The following TTC28 variants were observed in gnomAD, a reference collection of about 807,000 sequenced individuals.
TTC28 encodes tetratricopeptide repeat domain 28, also known as tetratricopeptide repeat protein 28.
Under a neutral mutation model 198.0 loss-of-function variants are expected in TTC28, and 61 were observed. The ratio of observed to expected loss-of-function variants is 0.31; its 90% CI spans 0.25 to 0.38. The LOEUF is 0.38. TTC28 is among the 10% of genes least tolerant of loss of function. TTC28 has a pLI of 1.00. For synonymous variants in TTC28, 1,171 were observed against 1,297.8 expected (o/e 0.90, Z 2.10); for missense variants, 2,678 against 3,164.0 (o/e 0.85, Z 3.69).
At chr22:28,341,074 G>T (rs1320413871) in intron 2 of TTC28, among the ~76,000 whole-genome samples, 2 of 152,184 alleles carry the variant, frequency 1.3e-5, no homozygotes, top group Non-Finnish European at 2.9e-5. Context: ...CAATGCCAAA[G>T]ATGACTAATG....
intron 2 of TTC28, among the ~76,000 whole-genome samples, chr22:28,491,836 A>G (rs1335957809): frequency 1.3e-5 from 2 of 152,198 alleles, no homozygotes; most frequent in African/African-American, 4.8e-5. Flanking sequence ...CACTATTCAC[A>G]ATAGCAAAGA....
intron 5 of TTC28, among the ~76,000 whole-genome samples, chr22:28,289,862 C>T (rs948155195): frequency 3.3e-5 from 5 of 152,072 alleles, no homozygotes; most frequent in Non-Finnish European, 7.4e-5. Context: ...CCCATCTCTA[C>T]TAAAAATAAA....
intron 2 of TTC28, among the ~76,000 whole-genome samples, chr22:28,526,016 C>A (rs1391247714): frequency 6.6e-6 from 1 of 152,134 alleles, no homozygotes; most frequent in Non-Finnish European, 1.5e-5. Flanking sequence ...TTCTAATGAA[C>A]AAGTCAAAAC....
chr22:28,609,235 C>A (rs915483742), intron 2 of TTC28, among the ~76,000 whole-genome samples: 5 of 152,146 alleles, frequency 3.3e-5, no homozygotes, highest in African/African-American at 9.6e-5. Flanking sequence ...TTTTGAAAAA[C>A]CAAATAATTC....
intron 2 of TTC28, among the ~76,000 whole-genome samples, chr22:28,616,973 G>A (rs1204701853): frequency 1.3e-5 from 2 of 152,148 alleles, no homozygotes; most frequent in African/African-American, 4.8e-5. Flanking sequence ...GTCCCACTAT[G>A]AAATCCTCCT....
chr22:28,245,283 T>C (rs1179154591), intron 5 of TTC28, among the ~76,000 whole-genome samples: 2 of 152,186 alleles, frequency 1.3e-5, no homozygotes, highest in African/African-American at 4.8e-5. Flanking sequence ...AATCATAGAC[T>C]TTCAACTAAT....
At chr22:28,465,518 C>T (rs1037977297) in intron 2 of TTC28, among the ~76,000 whole-genome samples, 2 of 151,678 alleles carry the variant, frequency 1.3e-5, no homozygotes, top group Non-Finnish European at 2.9e-5. Flanking sequence ...CAGCTACTCA[C>T]GAGGCTGAAG....
chr22:28,278,517 T>C (rs929939456), intron 5 of TTC28, among the ~76,000 whole-genome samples: 1 of 152,226 alleles, frequency 6.6e-6, no homozygotes. Context: ...TCAAATCATA[T>C]CATTCCTATA....
chr22:28,404,998 A>G (rs1208941962), intron 2 of TTC28, among the ~76,000 whole-genome samples: 1 of 152,160 alleles, frequency 6.6e-6, no homozygotes, highest in African/African-American at 2.4e-5. Flanking sequence ...TGTTGTTGAG[A>G]CAAGAGATTT....
chr22:28,012,221 T>C (rs757719585), intron 14 of TTC28, among the ~76,000 whole-genome samples: 21 of 152,344 alleles, frequency 1.4e-4, no homozygotes, highest in Non-Finnish European at 2.4e-4. Context: ...TAAGTGATGA[T>C]GGTATCTCAG....
chr22:28,293,341 T>C (rs529456859), intron 5 of TTC28, among the ~76,000 whole-genome samples: 3 of 152,230 alleles, frequency 2.0e-5, no homozygotes, highest in African/African-American at 4.8e-5. Flanking sequence ...ACTTGGAGAA[T>C]ATCATGTTAA....
chr22:28,654,514 G>A (rs556578758), intron 1 of TTC28, among the ~76,000 whole-genome samples: 3 of 152,220 alleles, frequency 2.0e-5, no homozygotes, highest in African/African-American at 4.8e-5. Flanking sequence ...TTTTAGTAGA[G>A]ACGGGGTTTC....
At chr22:28,306,276 T>C (rs1309504352) in intron 3 of TTC28, among the ~76,000 whole-genome samples, 2 of 152,182 alleles carry the variant, frequency 1.3e-5, no homozygotes, top group African/African-American at 4.8e-5. Context: ...GAATGTAATA[T>C]AGGTCCACAA....
chr22:28,247,866 G>C (rs974312021), intron 5 of TTC28, among the ~76,000 whole-genome samples: 2 of 152,140 alleles, frequency 1.3e-5, no homozygotes, highest in Non-Finnish European at 2.9e-5. Context: ...CATCTTGAAT[G>C]GTTTTGACTA....
intron 12 of TTC28, among the ~76,000 whole-genome samples, chr22:28,059,907 C>T (rs1044447389): frequency 2.2e-5 from 3 of 134,348 alleles, no homozygotes; most frequent in East Asian, 1.9e-4. Context: ...CATGGTATAT[C>T]GTTTTCTACC....
At chr22:28,396,842 CTT>C (rs939466863) in intron 2 of TTC28, among the ~76,000 whole-genome samples, 1 of 152,174 alleles carries the variant, frequency 6.6e-6, no homozygotes, top group African/African-American at 2.4e-5. Context: ...TGATAATCCA[CTT>C]TACTACATTT....
intron 12 of TTC28, among the ~76,000 whole-genome samples, chr22:28,036,649 G>T (rs1485949378): frequency 6.6e-6 from 1 of 152,114 alleles, no homozygotes; most frequent in Non-Finnish European, 1.5e-5. Flanking sequence ...ACTAGCAGAA[G>T]GCAAGAAGTA....
chr22:28,307,245 C>A (rs529144372), intron 2 of TTC28, among the ~76,000 whole-genome samples: 41 of 152,212 alleles, frequency 2.7e-4, no homozygotes, highest in Admixed American at 8.5e-4. Flanking sequence ...CCTTTGTATT[C>A]TTTAAGTGAA....
At chr22:28,653,390 C>T (rs552463077) in intron 1 of TTC28, among the ~76,000 whole-genome samples, 135 of 151,912 alleles carry the variant, frequency 8.9e-4, no homozygotes, top group Non-Finnish European at 1.5e-3. Context: ...GTAGTCCCAG[C>T]TACTCACGAA....
Sources: allele counts gnomAD v4.1 joint callset (sites outside exome capture counted in the v4.1 genomes callset), GRCh38; gene constraint gnomAD v4.1.1; transcripts MANE v1.5; gene names NCBI Gene and HGNC (gene_info 2026-07-23, HGNC 2026-07-21).